The following PAX5 variants were observed in gnomAD, a reference collection of about 807,000 sequenced individuals.
The protein encoded by PAX5 is paired box 5.
In PAX5, 9 loss-of-function variants were observed where a neutral mutation model predicts 43.7. That is an observed-to-expected ratio of 0.21 (90% CI 0.12 to 0.36). PAX5 has a LOEUF of 0.36. Among genes scored for constraint, PAX5 ranks in the 10% least tolerant of loss-of-function variants. The pLI, the probability that PAX5 is intolerant of heterozygous loss-of-function variation, is 1.00. For missense variants in PAX5, 383 were observed against 532.7 expected (o/e 0.72, Z 2.77); for synonymous variants, 228 against 214.3 (o/e 1.06, Z -0.56).
intron 7 of PAX5, among the ~76,000 whole-genome samples, chr9:36,893,015 TG>T (rs1220690028): frequency 8.5e-5 from 13 of 152,216 alleles, no homozygotes; most frequent in Non-Finnish European, 1.9e-4. Context: ...GGGCTTAGGT[TG>T]GGAGTGGGAG....
At chr9:36,969,367 C>T (rs1447447977) in intron 5 of PAX5, among the ~76,000 whole-genome samples, 5 of 152,122 alleles carry the variant, frequency 3.3e-5, no homozygotes, top group South Asian at 2.1e-4. Context: ...CCCTCTCCCC[C>T]GGGACTCATG....
intron 7 of PAX5, among the ~76,000 whole-genome samples, chr9:36,891,313 G>A (rs1458445344): frequency 2.0e-5 from 3 of 152,250 alleles, no homozygotes; most frequent in Admixed American, 6.5e-5. Flanking sequence ...GCAGATGACA[G>A]TGAACAAGTG....
intron 5 of PAX5, among the ~76,000 whole-genome samples, chr9:36,994,322 C>T (rs1439179787): frequency 6.6e-6 from 1 of 152,224 alleles, no homozygotes; most frequent in Non-Finnish European, 1.5e-5. Context: ...CTGCCCCCTG[C>T]ATACCCTTGG....
At chr9:37,016,964 T>A (rs1052508349) in intron 2 of PAX5, among the ~76,000 whole-genome samples, 3 of 152,206 alleles carry the variant, frequency 2.0e-5, no homozygotes, top group Admixed American at 6.5e-5. Flanking sequence ...ATTTTGACCA[T>A]AAGGTAAAAA....
intron 3 of PAX5, among the ~76,000 whole-genome samples, chr9:37,012,516 T>C (rs1029387452): frequency 3.3e-5 from 5 of 152,192 alleles, no homozygotes; most frequent in Non-Finnish European, 7.3e-5. Flanking sequence ...CCCCTGAGGC[T>C]AGCCATGGCC....
At chr9:37,020,505 AAAGTGCTCTGCGTGTG>A (rs1244955607) in intron 2 of PAX5, 115 bp downstream of exon 2, 3 of 944,924 alleles carry the variant, frequency 3.2e-6, no homozygotes, top group Non-Finnish European at 4.9e-6. Context: ...TGCAGACTTT[AAAGTGCTCTGCGTGTG>A]AAACAAAATG....
intron 8 of PAX5, among the ~76,000 whole-genome samples, chr9:36,865,359 T>C (rs1174052504): frequency 2.0e-5 from 3 of 152,322 alleles, no homozygotes; most frequent in East Asian, 1.9e-4. Flanking sequence ...AACCTCCACA[T>C]GCAAGCTGGT....
chr9:36,968,221 G>T (rs1445307767), intron 5 of PAX5, among the ~76,000 whole-genome samples: 2 of 152,178 alleles, frequency 1.3e-5, no homozygotes, highest in East Asian at 3.8e-4. Flanking sequence ...GGCCTTGTCT[G>T]ACCCCTGCCC....
At chr9:36,989,701 C>T (rs1338072751) in intron 5 of PAX5, among the ~76,000 whole-genome samples, 2 of 152,174 alleles carry the variant, frequency 1.3e-5, no homozygotes, top group African/African-American at 4.8e-5. Context: ...TCACAAGATC[C>T]TGGAGGATGG....
At chr9:36,919,610 G>A (rs1829976850) in intron 7 of PAX5, among the ~76,000 whole-genome samples, 1 of 152,270 alleles carries the variant, frequency 6.6e-6, no homozygotes, top group African/African-American at 2.4e-5. Context: ...TTGGGAGGCT[G>A]AGGCAGGTGG....
At chr9:36,947,736 G>T (rs1265574127) in intron 6 of PAX5, among the ~76,000 whole-genome samples, 4 of 151,874 alleles carry the variant, frequency 2.6e-5, no homozygotes, top group Non-Finnish European at 5.9e-5. Flanking sequence ...ATTTTTAACA[G>T]AATTTCCAAA....
At chr9:37,005,591 C>T (rs1838321117) in intron 4 of PAX5, among the ~76,000 whole-genome samples, 1 of 152,180 alleles carries the variant, frequency 6.6e-6, no homozygotes, top group Admixed American at 6.5e-5. Flanking sequence ...CAGGACTCTG[C>T]CCATTCCCCA....
At chr9:36,860,199 T>C (rs1172086856) in intron 8 of PAX5, among the ~76,000 whole-genome samples, 1 of 151,678 alleles carries the variant, frequency 6.6e-6, no homozygotes. Flanking sequence ...TAGCCGGGCG[T>C]GGTGGCACAT....
chr9:36,984,731 T>C (rs1350442370), intron 5 of PAX5, among the ~76,000 whole-genome samples: 1 of 152,032 alleles, frequency 6.6e-6, no homozygotes, highest in African/African-American at 2.4e-5. Flanking sequence ...GCTGGGATTA[T>C]AGGCATGAGC....
chr9:36,853,096 A>G (rs1823322271), intron 8 of PAX5, among the ~76,000 whole-genome samples: 1 of 152,112 alleles, frequency 6.6e-6, no homozygotes, highest in Admixed American at 6.5e-5. Flanking sequence ...TGTCATATCG[A>G]TCTTCATCCC....
At chr9:37,020,089 G>A (rs1839725874) in intron 2 of PAX5, among the ~76,000 whole-genome samples, 1 of 128,990 alleles carries the variant, frequency 7.8e-6, no homozygotes, top group Non-Finnish European at 1.6e-5. Context: ...TTTGAAAGTT[G>A]GTGTTTGGGT....
At chr9:36,964,918 C>A (rs1409382208) in intron 6 of PAX5, among the ~76,000 whole-genome samples, 1 of 152,112 alleles carries the variant, frequency 6.6e-6, no homozygotes, top group African/African-American at 2.4e-5. Flanking sequence ...CAAGACCAGG[C>A]CCACCTCCCC....
At chr9:36,991,811 A>G (rs72735666) in intron 5 of PAX5, among the ~76,000 whole-genome samples, 19,816 of 151,294 alleles carry the variant, frequency 0.13, 1,485 homozygotes, top group South Asian at 0.26. Context: ...TTCGTCCTCC[A>G]CTGTTCAGTC....
chr9:37,019,055 G>C (rs1051196867), intron 2 of PAX5, among the ~76,000 whole-genome samples: 1 of 152,076 alleles, frequency 6.6e-6, no homozygotes, highest in African/African-American at 2.4e-5. Flanking sequence ...CAATGAAGAG[G>C]CTCCACAAAA....
Sources: gnomAD v4.1 joint callset for allele counts (sites outside exome capture counted in the v4.1 genomes callset) on GRCh38, gnomAD v4.1.1 for gene constraint, MANE v1.5 for transcripts, NCBI Gene and HGNC (gene_info 2026-07-23, HGNC 2026-07-21) for gene names.